CTU1: variants seen among roughly 807,000 people sequenced by gnomAD.
The protein encoded by CTU1 is cytoplasmic tRNA 2-thiolation protein 1.
A neutral mutation model predicts 12.9 loss-of-function variants in CTU1; 15 were observed. The ratio of observed to expected loss-of-function variants is 1.16; its 90% CI spans 0.78 to 1.79. The LOEUF (loss-of-function observed/expected upper bound fraction) is 1.79. Among genes scored for constraint, CTU1 ranks in the 40% most tolerant of loss-of-function variants. The pLI is 0.00. For missense variants in CTU1, 553 were observed against 550.5 expected, an observed-to-expected ratio of 1.00 and a Z score of -0.05; for synonymous variants, 295 against 275.6, an observed-to-expected ratio of 1.07 and a Z score of -0.70.
At chr19:51,101,623 A>C (rs1221657829) in intron 2 of CTU1, among the ~76,000 whole-genome samples, 1 of 152,156 alleles carries the variant, frequency 6.6e-6, no homozygotes, top group Non-Finnish European at 1.5e-5. Context: ...AAAAACCTCC[A>C]AGAACTTGGC....
At position 51,098,720 on chromosome 19, in the gene CTU1, G is replaced by T. The variant is rs2091898110; in HGVS notation, c.928C>A (p.Arg310Ser). The change falls in exon 3 of 3, where the codon CGC becomes AGC. Residue 310 changes from arginine to serine, a missense_variant. Arg to Ser is a moderately radical substitution (Grantham distance 110, BLOSUM62 -1). Coordinates refer to ENST00000421832, the MANE Select transcript of CTU1 (RefSeq NM_145232.4). The surrounding 1 kb of genome is among the most constrained non-coding windows in gnomAD (Gnocchi z 4.3). ...CCGATGGCCAGGCGGGGCCGGCCGC[G>T]GTTCAGGCCGTCCAGGAGCGCGCAG... ...QACALLDGLN[R>S]GRPRLAIGKG... 4 of 1,251,626 alleles carry T rather than the reference G, an allele frequency of 3.2e-6. No homozygotes were observed. Among genetic ancestry groups the T allele is most frequent in the South Asian group, 2.2e-5 (1 of 45,356 alleles). 77.5% of individuals were successfully genotyped at this position (1,251,626 alleles called of 1,614,324 possible).
intron 2 of CTU1, among the ~76,000 whole-genome samples, chr19:51,100,160 C>G (rs2091903835): frequency 6.6e-6 from 1 of 152,016 alleles, no homozygotes; most frequent in East Asian, 1.9e-4. Flanking sequence ...GAGGTGGACA[C>G]AGCAGGAATT....
At chr19:51,101,130 G>T (rs892326208) in intron 2 of CTU1, among the ~76,000 whole-genome samples, 1 of 152,056 alleles carries the variant, frequency 6.6e-6, no homozygotes, top group Non-Finnish European at 1.5e-5. Context: ...TTTCTATACA[G>T]ACGCAGTTTC....
intron 1 of CTU1, among the ~76,000 whole-genome samples, chr19:51,106,291 G>C (rs1420098615): frequency 1.3e-5 from 2 of 152,140 alleles, no homozygotes; most frequent in Non-Finnish European, 2.9e-5. Context: ...CTGCCACTGA[G>C]CCCAAGAAGC....
At position 51,099,015 on chromosome 19, in the gene CTU1, G is replaced by A. The variant is rs758825356; in HGVS notation, c.633C>T (p.Arg211=). 5.7e-5 allele frequency: 86 copies of A among 1,511,390 alleles called. 1 individual carries two copies. The highest frequency in any genetic ancestry group is 1.2e-4 in the Admixed American group (6 of 49,736). 93.6% of individuals were successfully genotyped at this position (1,511,390 alleles called of 1,614,324 possible). Reference sequence around the variant, plus strand: ...CCTTCTGCGAGGCGAACTGCAGCGGGCGGCAGCGCGGCAGGGCGCCCCCCT... The same window carrying A: ...CCTTCTGCGAGGCGAACTGCAGCGGACGGCAGCGCGGCAGGGCGCCCCCCT... The part of the protein sequence containing the change: ...PGEGGALPRC[R]PLQFASQKEV... Residue 211 remains arginine, a synonymous_variant, in exon 3 of 3, where the codon CGC becomes CGT. Transcript: ENST00000421832.
rs1260647947 is a variant in CTU1 at position 51,098,878 on chromosome 19, G to A, written c.770C>T (p.Ala257Val). 3 of 1,450,382 alleles carry A rather than the reference G, an allele frequency of 2.1e-6. No homozygotes were observed. The highest frequency in any genetic ancestry group is 1.3e-5 in the South Asian group (1 of 79,840). The allele number at this position is 1,450,382 out of a possible 1,614,324, so 89.8% of individuals were successfully genotyped here. A position where few individuals can be genotyped will look rare whatever the true frequency, so the allele number is the denominator to read the frequency against. Residue 257 changes from alanine to valine, a missense_variant, in exon 3 of 3, where the codon GCG becomes GTG. Around this residue, in one of 2 missense-constraint regions of CTU1, gnomAD observed 500 missense variants for 458.5 expected, o/e 1.09. Coordinates refer to ENST00000421832, the MANE Select transcript of CTU1 (RefSeq NM_145232.4). This position sits in a 1 kb window ranked among gnomAD's most constrained non-coding sequence, Gnocchi z 4.3. ...HARDLLKRLEAARPSAVLDLV... is the reference protein window; with the variant it reads ...HARDLLKRLEVARPSAVLDLV... ...GTCCAGCACCGCGGACGGCCGCGCCGCCTCCAGGCGCTTGAGCAGGTCCCG... is the reference window on the plus strand; with the variant it reads ...GTCCAGCACCGCGGACGGCCGCGCCACCTCCAGGCGCTTGAGCAGGTCCCG...
chr19:51,099,462 G>A (rs992374299), intron 2 of CTU1, among the ~76,000 whole-genome samples: 1 of 152,170 alleles, frequency 6.6e-6, no homozygotes, highest in African/African-American at 2.4e-5. Flanking sequence ...GAGCCATGGA[G>A]ACCCTCCGGG....
intron 1 of CTU1, among the ~76,000 whole-genome samples, chr19:51,107,675 G>A (rs2091923779): frequency 6.6e-6 from 1 of 152,206 alleles, no homozygotes; most frequent in Non-Finnish European, 1.5e-5. Context: ...ACGAGAGAAA[G>A]TGATGAAGGG....
Position 51,104,359 on chromosome 19 carries a change from G to C in CTU1, c.211C>G (p.Leu71Val). The C allele has an allele frequency of 7.0e-7, 1 of 1,434,288 alleles. No individual in the cohort carries two copies. 88.8% of individuals were successfully genotyped at this position (1,434,288 alleles called of 1,614,324 possible). ...GKDSTVLAHVLRALAPRLGIS... is the reference protein window; with the variant it reads ...GKDSTVLAHVVRALAPRLGIS... ...CCCAGGCGCGGCGCCAGCGCGCGCAGCACGTGCGCCAGCACCGTGGAGTCC... is the reference window on the plus strand; with the variant it reads ...CCCAGGCGCGGCGCCAGCGCGCGCACCACGTGCGCCAGCACCGTGGAGTCC... The change falls in exon 2 of 3, where the codon CTG becomes GTG. Residue 71 changes from leucine to valine, a missense_variant. Coordinates refer to ENST00000421832, the MANE Select transcript of CTU1 (RefSeq NM_145232.4).
chr19:51,104,453 C>T lies in CTU1; in HGVS notation c.117G>A (p.Leu39=). The T allele has an allele frequency of 7.7e-7, 1 of 1,291,790 alleles. No homozygotes were observed. The highest frequency in any genetic ancestry group is 9.8e-7 in the Non-Finnish European group (1 of 1,019,748). 80.0% of individuals were successfully genotyped at this position (1,291,790 alleles called of 1,614,324 possible). A position where few individuals can be genotyped will look rare whatever the true frequency, so the allele number is the denominator to read the frequency against. ...GCAGGCGGCCGGCGAGCACCGTGTG[C>T]AGCACCTCGGCCTCGAAGGCGGCGC... ...CFCAAFEAEV[L]HTVLAGRLLP... is the part of the protein sequence containing the mutation. The change falls in exon 2 of 3, where the codon CTG becomes CTA. Residue 39 remains leucine, a synonymous_variant. Coordinates refer to ENST00000421832, the MANE Select transcript of CTU1 (RefSeq NM_145232.4).
chr19:51,099,161 G>A (rs1376375810), intron 2 of CTU1, 22 bp from the exon 3 acceptor site: 2 of 1,559,288 alleles, frequency 1.3e-6, no homozygotes, highest in Non-Finnish European at 8.6e-7. Flanking sequence ...AGAAGGGAGC[G>A]GGTGAGGTGG....
chr19:51,099,301 ACG>A (rs995858690), intron 2 of CTU1, among the ~76,000 whole-genome samples, 162 bp from the exon 3 acceptor site: 1 of 151,988 alleles, frequency 6.6e-6, no homozygotes, highest in Non-Finnish European at 1.5e-5. Context: ...CCAGAGAGAG[ACG>A]GCGACGGGGA....
intron 2 of CTU1, among the ~76,000 whole-genome samples, chr19:51,100,228 G>A (rs1208138583): frequency 1.3e-5 from 2 of 152,138 alleles, no homozygotes; most frequent in African/African-American, 2.4e-5. Context: ...TTTGCCACCC[G>A]CCTACTGCAT....
rs370942339 is a variant in CTU1, at chr19:51,098,979, C to G, written c.669G>C (p.Leu223=). 1 of 1,544,056 alleles carries G rather than the reference C, an allele frequency of 6.5e-7. No individual in the cohort carries two copies. Among genetic ancestry groups the G allele is most frequent in the African/African-American group, 1.4e-5 (1 of 71,270 alleles). The change falls in exon 3 of 3, where the codon CTG becomes CTC. Residue 223 remains leucine, a synonymous_variant. Coordinates refer to ENST00000421832, the MANE Select transcript of CTU1 (RefSeq NM_145232.4). This position sits in a 1 kb window ranked among gnomAD's most constrained non-coding sequence, Gnocchi z 4.3. ...LQFASQKEVV[L]YAHFRRLDYF... is the part of the protein sequence containing the mutation. ...AGTCGAGGCGGCGGAAGTGCGCGTACAGCACCACCTCCTTCTGCGAGGCGA... is the reference window on the plus strand; with the variant it reads ...AGTCGAGGCGGCGGAAGTGCGCGTAGAGCACCACCTCCTTCTGCGAGGCGA...
chr19:51,099,664 G>T (rs1446002749), intron 2 of CTU1, among the ~76,000 whole-genome samples: 1 of 152,160 alleles, frequency 6.6e-6, no homozygotes, highest in Non-Finnish European at 1.5e-5. Flanking sequence ...ATCAGCCTCA[G>T]TTAAAACCGT....
intron 1 of CTU1, among the ~76,000 whole-genome samples, chr19:51,107,527 G>A (rs2091923487): frequency 6.6e-6 from 1 of 152,194 alleles, no homozygotes; most frequent in Non-Finnish European, 1.5e-5. Context: ...TCAGGGACAA[G>A]GACAGAAGGC....
chr19:51,106,914 C>T (rs148275142), intron 1 of CTU1, among the ~76,000 whole-genome samples: 102 of 152,260 alleles, frequency 6.7e-4, no homozygotes, highest in African/African-American at 2.3e-3. Flanking sequence ...ATGTTCAGAC[C>T]CTAAGCGCCC....
chr19:51,102,194 G>A (rs1246257635), intron 2 of CTU1, among the ~76,000 whole-genome samples: 1 of 152,174 alleles, frequency 6.6e-6, no homozygotes, highest in African/African-American at 2.4e-5. Context: ...AGTAGAGACG[G>A]GGTTTCACCA....
chr19:51,103,388 A>C (rs150176891), intron 2 of CTU1, among the ~76,000 whole-genome samples: 2,865 of 152,272 alleles, frequency 0.019, 80 homozygotes, highest in African/African-American at 0.063. Context: ...GATCGAGATC[A>C]TCCTGGCTAA....
Sources: allele counts gnomAD v4.1 joint callset (sites outside exome capture counted in the v4.1 genomes callset), GRCh38; gene constraint gnomAD v4.1.1; regional missense constraint gnomAD v4.1.1; non-coding constraint Gnocchi (gnomAD v3.1); transcripts MANE v1.5; gene names NCBI Gene and HGNC (gene_info 2026-07-23, HGNC 2026-07-21).